Variants in PCDHGB3 observed in about 807,000 individuals in gnomAD.
PCDHGB3 encodes the protein protocadherin gamma subfamily B, 3.
In PCDHGB3, 40 loss-of-function variants were observed where a neutral mutation model predicts 59.2. That is an observed-to-expected ratio of 0.68 (90% CI 0.52 to 0.88). The LOEUF (loss-of-function observed/expected upper bound fraction) is 0.88, where lower values mean the gene tolerates loss of function less well. PCDHGB3 is among the 40% of genes least tolerant of loss of function. The pLI, the probability that PCDHGB3 is intolerant of heterozygous loss-of-function variation, is 0.00. For missense variants in PCDHGB3, 1,309 were observed against 1,187.9 expected (o/e 1.10, Z -1.50); for synonymous variants, 581 against 503.6 (o/e 1.15, Z -2.06).
At chr5:141,375,609 C>T (rs755429700) in intron 1 of PCDHGB3, 8 of 1,614,226 alleles carry the variant, frequency 5.0e-6, no homozygotes, top group South Asian at 3.3e-5. Context: ...TCCATCAACT[C>T]CGACACTGGG....
At chr5:141,406,859 TC>T (rs1171504234) in intron 1 of PCDHGB3, among the ~76,000 whole-genome samples, 1 of 152,252 alleles carries the variant, frequency 6.6e-6, no homozygotes, top group African/African-American at 2.4e-5. Flanking sequence ...AAGAAAATAT[TC>T]TCAGGAACTG....
In PCDHGB3 at chr5:141,372,063, G is replaced by T; in HGVS notation, c.1669G>T (p.Asp557Tyr). 1.2e-6 allele frequency: 2 copies of T among 1,613,548 alleles called. No individual in the cohort carries two copies. The change falls in exon 1 of 4, where the codon GAC (aspartate) becomes TAC (tyrosine). Residue 557 changes from aspartate (D) to tyrosine (Y), a missense_variant. Asp to Tyr is a radical substitution (Grantham distance 160). Coordinates refer to ENST00000576222, the MANE Select transcript of PCDHGB3 (RefSeq NM_018924.5). ...GCGCGTGTTGGTGGACGACCGCAAC[G>T]ACAATGCACCGCTGGTGCTGTACCC... is the stretch of plus-strand genomic sequence containing the variant. ...SLRVLVDDRN[D>Y]NAPLVLYPAL...
chr5:141,462,393 C>A (rs1465154354), intron 1 of PCDHGB3, among the ~76,000 whole-genome samples: 4 of 152,062 alleles, frequency 2.6e-5, no homozygotes, highest in African/African-American at 9.7e-5. Flanking sequence ...GTTAACATTT[C>A]TTTTATGGCA....
chr5:141,443,243 C>T (rs755331096), intron 1 of PCDHGB3, among the ~76,000 whole-genome samples: 9 of 151,618 alleles, frequency 5.9e-5, no homozygotes, highest in Non-Finnish European at 1.0e-4. Flanking sequence ...CACTTTGGGG[C>T]GCCAAGGCGG....
chr5:141,501,425 G>A (rs1444899306), intron 2 of PCDHGB3, among the ~76,000 whole-genome samples: 1 of 151,726 alleles, frequency 6.6e-6, no homozygotes, highest in Non-Finnish European at 1.5e-5. Flanking sequence ...TTGACTAAAT[G>A]TAGTCCATTT....
intron 1 of PCDHGB3, chr5:141,412,995 T>G: frequency 1.7e-6 from 1 of 572,718 alleles, no homozygotes. Flanking sequence ...TCAATCCGGA[T>G]TCTCAGGGCT....
chr5:141,410,455 T>G (rs2095396076), intron 1 of PCDHGB3: 3 of 1,613,914 alleles, frequency 1.9e-6, no homozygotes, highest in African/African-American at 2.7e-5. Flanking sequence ...TGCCTTATTC[T>G]TATAATCTGT....
intron 1 of PCDHGB3, chr5:141,424,621 T>C (rs560809778): frequency 6.6e-6 from 1 of 152,346 alleles, no homozygotes; most frequent in Non-Finnish European, 1.5e-5. Context: ...TAGAGTAGTT[T>C]GTGAATATAT....
At chr5:141,483,603 A>T (rs1277479077) in intron 1 of PCDHGB3, among the ~76,000 whole-genome samples, 1 of 152,054 alleles carries the variant, frequency 6.6e-6, no homozygotes, top group Non-Finnish European at 1.5e-5. Context: ...AGGCTGGTTT[A>T]CACCTCCATC....
intron 1 of PCDHGB3, among the ~76,000 whole-genome samples, chr5:141,465,422 G>T (rs74711061): frequency 6.6e-6 from 1 of 152,142 alleles, no homozygotes; most frequent in Non-Finnish European, 1.5e-5. Context: ...AGCACTGAAA[G>T]GTGGGCACTT....
At chr5:141,445,938 G>A (rs2098482293) in intron 1 of PCDHGB3, among the ~76,000 whole-genome samples, 1 of 152,196 alleles carries the variant, frequency 6.6e-6, no homozygotes, top group Non-Finnish European at 1.5e-5. Flanking sequence ...GAATTATTAA[G>A]CTTACTCTGG....
At position 141,372,140 on chromosome 5, in the gene PCDHGB3, A is replaced by C; in HGVS notation, c.1746A>C (p.Ala582=). 6.2e-7 allele frequency: 1 copy of C among 1,613,766 alleles called. No homozygotes were observed. Among genetic ancestry groups the C allele is most frequent in the Non-Finnish European group, 8.5e-7 (1 of 1,179,922 alleles). Residue 582 remains alanine, a synonymous_variant, in exon 1 of 4, where the codon GCA becomes GCC. Transcript: ENST00000576222. ...SALFDMVPRS[A]EPGYLVTKVV... ...TCTTCGATATGGTGCCGCGCTCTGC[A>C]GAGCCTGGCTACCTGGTGACCAAGG...
chr5:141,421,365 G>A (rs1189449968), intron 1 of PCDHGB3: 2 of 1,614,026 alleles, frequency 1.2e-6, no homozygotes, highest in South Asian at 1.1e-5. Flanking sequence ...GCTCCTTCGT[G>A]GGCAATATCT....
intron 1 of PCDHGB3, among the ~76,000 whole-genome samples, chr5:141,381,816 C>G (rs1588905035): frequency 8.2e-6 from 1 of 122,550 alleles, no homozygotes. Context: ...TTCTTTCTTT[C>G]TTTCTTCTTC....
chr5:141,459,992 C>T (rs1327580257), intron 1 of PCDHGB3, among the ~76,000 whole-genome samples: 1 of 152,126 alleles, frequency 6.6e-6, no homozygotes, highest in Admixed American at 6.5e-5. Flanking sequence ...ACAGGAGAAT[C>T]GCTTGAACCC....
At chr5:141,377,549 T>G (rs962793950) in intron 1 of PCDHGB3, 3 of 152,038 alleles carry the variant, frequency 2.0e-5, no homozygotes, top group African/African-American at 7.2e-5. Context: ...TGAGATATAA[T>G]TGTGTCACTG....
chr5:141,399,527 T>C lies in PCDHGB3; in HGVS notation c.2415+26718T>C, dbSNP rs781680585. ...GAAAACAACCCTCCTGGGGCCTCCA[T>C]CGCGCAAGTCTGCGCCTCGGACCTG... is the stretch of plus-strand genomic sequence containing the variant. On this transcript the variant is annotated intron_variant, in intron 1 of 3. Transcript: ENST00000576222. The C allele has an allele frequency of 1.4e-4, 229 of 1,613,898 alleles. No homozygotes were observed. The highest frequency in any genetic ancestry group is 1.9e-4 in the Non-Finnish European group (225 of 1,179,892).
At chr5:141,393,746 A>G (rs1167040701) in intron 1 of PCDHGB3, 6 of 1,613,800 alleles carry the variant, frequency 3.7e-6, no homozygotes, top group South Asian at 1.1e-5. Context: ...ATTATGAAGA[A>G]TGTTCATTTT....
At chr5:141,502,710 C>T (rs2099815750) in intron 2 of PCDHGB3, among the ~76,000 whole-genome samples, 1 of 152,168 alleles carries the variant, frequency 6.6e-6, no homozygotes, top group South Asian at 2.1e-4. Context: ...GTTTTTACAT[C>T]AGTGATTACA....
Sources: gnomAD v4.1 joint callset for allele counts (sites outside exome capture counted in the v4.1 genomes callset) on GRCh38, gnomAD v4.1.1 for gene constraint, MANE v1.5 for transcripts, NCBI Gene and HGNC (gene_info 2026-07-23, HGNC 2026-07-21) for gene names.